The following QRFPR variants were observed in gnomAD, a reference collection of about 807,000 sequenced individuals.
QRFPR encodes pyroglutamylated RFamide peptide receptor.
A neutral mutation model predicts 31.3 loss-of-function variants in QRFPR; 37 were observed. The ratio of observed to expected loss-of-function variants is 1.18; its 90% CI spans 0.91 to 1.56. The LOEUF (loss-of-function observed/expected upper bound fraction) is 1.56, where lower values mean the gene tolerates loss of function less well. QRFPR is among the 40% of genes most tolerant of loss of function. QRFPR has a pLI of 0.00. For synonymous variants in QRFPR, 197 were observed against 192.0 expected (o/e 1.03, Z -0.22); for missense variants, 542 against 532.5 (o/e 1.02, Z -0.18).
intron 1 of QRFPR, among the ~76,000 whole-genome samples, chr4:121,365,590 T>TAA (rs1560743959): frequency 0.18 from 927 of 5,258 alleles, 100 homozygotes; most frequent in Non-Finnish European, 0.2. Context: ...ATTATATATA[T>TAA]TATATATATA....
intron 1 of QRFPR, among the ~76,000 whole-genome samples, chr4:121,365,280 C>T (rs947306691): frequency 1.4e-5 from 2 of 143,600 alleles, no homozygotes; most frequent in African/African-American, 5.3e-5. Flanking sequence ...AGTGAAACCT[C>T]GTCTCTGCTA....
chr4:121,341,763 A>C (rs573553533), intron 1 of QRFPR, among the ~76,000 whole-genome samples: 1 of 152,272 alleles, frequency 6.6e-6, no homozygotes, highest in Admixed American at 6.5e-5. Flanking sequence ...CCAACATCCC[A>C]AAAAATCTGA....
chr4:121,369,976 T>G (rs2013534), intron 1 of QRFPR: 385,785 of 763,152 alleles, frequency 0.51, 101,328 homozygotes, highest in Middle Eastern at 0.63. Context: ...CAGCCCTGCC[T>G]GTTGCCCAAA....
At chr4:121,359,789 G>A (rs202056987) in intron 1 of QRFPR, among the ~76,000 whole-genome samples, 4 of 150,488 alleles carry the variant, frequency 2.7e-5, no homozygotes, top group Admixed American at 1.3e-4. Context: ...GTGTGTGTGT[G>A]TATATGTGTG....
chr4:121,346,756 T>C (rs1725658315), intron 1 of QRFPR, among the ~76,000 whole-genome samples: 1 of 152,220 alleles, frequency 6.6e-6, no homozygotes, highest in African/African-American at 2.4e-5. Flanking sequence ...GTGTTGAAAT[T>C]TGTCAAGTGT....
chr4:121,344,407 C>G (rs1406199345), intron 1 of QRFPR, among the ~76,000 whole-genome samples: 2 of 152,232 alleles, frequency 1.3e-5, no homozygotes, highest in Non-Finnish European at 2.9e-5. Flanking sequence ...ATAGTATAAT[C>G]TGTCATCTTA....
intron 1 of QRFPR, among the ~76,000 whole-genome samples, chr4:121,378,088 C>T (rs1379364387): frequency 6.6e-6 from 1 of 152,088 alleles, no homozygotes; most frequent in Non-Finnish European, 1.5e-5. Context: ...AAACATAGGC[C>T]ACCTCCAATT....
At chr4:121,337,124 A>T (rs1560734108) in intron 2 of QRFPR, among the ~76,000 whole-genome samples, 1 of 152,208 alleles carries the variant, frequency 6.6e-6, no homozygotes, top group African/African-American at 2.4e-5. Context: ...TTTCCTTAGC[A>T]TGGCCCATGA....
At position 121,336,921 on chromosome 4, in the gene QRFPR, C is replaced by G; in HGVS notation, c.500-53G>C. ...ATGACTCAGTTGAGTAAAACACATCCATGCATAATTATCTAACCCTCAAGA... is the reference window on the plus strand; with the variant it reads ...ATGACTCAGTTGAGTAAAACACATCGATGCATAATTATCTAACCCTCAAGA... On this transcript the variant is annotated intron_variant, in intron 2 of 5. Coordinates refer to ENST00000394427, the MANE Select transcript of QRFPR (RefSeq NM_198179.3). 5 of 1,454,888 alleles carry G rather than the reference C, an allele frequency of 3.4e-6. No individual in the cohort carries two copies. The South Asian group carries it at 4.6e-5, about 13-fold the overall frequency. 90.1% of individuals were successfully genotyped at this position (1,454,888 alleles called of 1,614,324 possible).
chr4:121,368,196 A>T (rs1726162944), intron 1 of QRFPR, among the ~76,000 whole-genome samples: 1 of 149,894 alleles, frequency 6.7e-6, no homozygotes, highest in Non-Finnish European at 1.5e-5. Context: ...CATACAGAAA[A>T]TTTTGAATTC....
intron 1 of QRFPR, among the ~76,000 whole-genome samples, chr4:121,348,407 G>C (rs1725698708): frequency 6.6e-6 from 1 of 152,018 alleles, no homozygotes; most frequent in Non-Finnish European, 1.5e-5. Flanking sequence ...CAATTCAAGT[G>C]TTTGTTCTTT....
At position 121,329,388 on chromosome 4, in the gene QRFPR, T is replaced by A; in HGVS notation, c.1222A>T (p.Lys408Ter). The A allele has an allele frequency of 6.2e-7, 1 of 1,614,174 alleles. No homozygotes were observed. Among genetic ancestry groups the A allele is most frequent in the African/African-American group, 1.3e-5 (1 of 75,064 alleles). The change falls in exon 6 of 6, where the codon AAA becomes TAA. Residue 408 changes from lysine to a stop codon, truncating the protein, a stop_gained. Transcript: ENST00000394427. LOFTEE classifies it low-confidence loss of function (END_TRUNC). Reference sequence around the variant, plus strand: ...AGAGCAAGATGTCGTTTGAGCTTTTTCTTCTCCTCTGTCTGTTCACACAAT... The same window carrying A: ...AGAGCAAGATGTCGTTTGAGCTTTTACTTCTCCTCTGTCTGTTCACACAAT... ...VKLCEQTEEK[K>*]KLKRHLALFR...
At chr4:121,340,731 T>C in intron 1 of QRFPR, 121 bp from the exon 2 acceptor site, 1 of 837,644 alleles carries the variant, frequency 1.2e-6, no homozygotes. Flanking sequence ...TTGATAATTG[T>C]AATTACTCTG....
At chr4:121,356,460 G>A (rs1006771365) in intron 1 of QRFPR, among the ~76,000 whole-genome samples, 1 of 152,250 alleles carries the variant, frequency 6.6e-6, no homozygotes, top group East Asian at 1.9e-4. Flanking sequence ...TTTTCTTGAT[G>A]TTTGTGAACA....
chr4:121,341,711 G>A lies in QRFPR; in HGVS notation c.341-1101C>T, dbSNP rs1279882471. 2.6e-5 allele frequency among the ~76,000 whole-genome samples: 4 copies of A among 152,016 alleles called. No homozygotes were observed. In the East Asian group the frequency reaches 5.8e-4, roughly 22 times the overall value. Reference sequence around the variant, plus strand: ...TAAATGAATTTCATGTGTAGACTTCGGTCTCATTGCCAAGATACCTCATTA... The same window carrying A: ...TAAATGAATTTCATGTGTAGACTTCAGTCTCATTGCCAAGATACCTCATTA... On this transcript the variant is annotated intron_variant, in intron 1 of 5. Coordinates refer to ENST00000394427, the MANE Select transcript of QRFPR (RefSeq NM_198179.3).
rs1725374189 is a variant in QRFPR at position 121,333,435 on chromosome 4, A to G, written c.562-379T>C. On this transcript the variant is annotated intron_variant, in intron 3 of 5. Transcript: ENST00000394427. ...TGCAATACATGCTAGGTAGTCTAATATTAAATTATTTTGCTTCTTCAATTG... is the reference window on the plus strand; with the variant it reads ...TGCAATACATGCTAGGTAGTCTAATGTTAAATTATTTTGCTTCTTCAATTG... Among the ~76,000 whole-genome samples the G allele has an allele frequency of 2.0e-5, 3 of 152,242 alleles. No individual in the cohort carries two copies. The South Asian group carries it at 6.2e-4, about 31-fold the overall frequency.
At chr4:121,343,865 C>T (rs946575400) in intron 1 of QRFPR, among the ~76,000 whole-genome samples, 1 of 152,148 alleles carries the variant, frequency 6.6e-6, no homozygotes, top group African/African-American at 2.4e-5. Flanking sequence ...TGTATTACAG[C>T]ACAGGGTATC....
At chr4:121,366,893 A>G (rs1726142797) in intron 1 of QRFPR, among the ~76,000 whole-genome samples, 1 of 133,138 alleles carries the variant, frequency 7.5e-6, no homozygotes, top group East Asian at 3.6e-4. Flanking sequence ...ACTTCTCTGC[A>G]GTGCATAGCA....
chr4:121,333,788 A>G (rs1054850881), intron 3 of QRFPR, among the ~76,000 whole-genome samples: 1 of 152,228 alleles, frequency 6.6e-6, no homozygotes, highest in South Asian at 2.1e-4. Flanking sequence ...TATTTAAAGC[A>G]TATTCAGAAG....
Sources: allele counts gnomAD v4.1 joint callset (sites outside exome capture counted in the v4.1 genomes callset), GRCh38; gene constraint gnomAD v4.1.1; transcripts MANE v1.5; gene names NCBI Gene and HGNC (gene_info 2026-07-23, HGNC 2026-07-21).